SHANK2: variants seen among roughly 807,000 people sequenced by gnomAD.
SHANK2 encodes SH3 and multiple ankyrin repeat domains 2.
Under a neutral mutation model 133.7 loss-of-function variants are expected in SHANK2, and 43 were observed. That is an observed-to-expected ratio of 0.32 (90% confidence interval 0.25 to 0.41). SHANK2 has a LOEUF of 0.41. SHANK2 is among the 10% of genes least tolerant of loss of function. The pLI is 1.00. For missense variants in SHANK2, 1,994 were observed against 2,235.8 expected (o/e 0.89, Z 2.18); for synonymous variants, 1,017 against 952.8 (o/e 1.07, Z -1.24).
chr11:70,682,533 C>T (rs1445088098), intron 15 of SHANK2, among the ~76,000 whole-genome samples: 1 of 152,224 alleles, frequency 6.6e-6, no homozygotes, highest in Non-Finnish European at 1.5e-5. Context: ...GTGGCCCCTT[C>T]TGGGAAGTGG....
intron 9 of SHANK2, among the ~76,000 whole-genome samples, chr11:71,065,671 TG>T (rs1379254896): frequency 2.2e-3 from 27 of 12,022 alleles, no homozygotes; most frequent in Non-Finnish European, 4.1e-3. Context: ...GGGAAGTTTG[TG>T]GGGGGTGTGC....
chr11:71,147,965 G>T (rs1214227034), intron 2 of SHANK2, among the ~76,000 whole-genome samples: 1 of 151,534 alleles, frequency 6.6e-6, no homozygotes, highest in Non-Finnish European at 1.5e-5. Context: ...TCAGACTTGG[G>T]GGTCCCCAAG....
intron 12 of SHANK2, among the ~76,000 whole-genome samples, chr11:70,819,534 C>T (rs1555055287): frequency 6.6e-6 from 1 of 152,200 alleles, no homozygotes. Flanking sequence ...GGAGTTGGAG[C>T]TCTGAGTGCA....
At chr11:71,169,618 G>A (rs371606287) in intron 2 of SHANK2, among the ~76,000 whole-genome samples, 5 of 152,044 alleles carry the variant, frequency 3.3e-5, no homozygotes, top group East Asian at 3.9e-4. Context: ...AGGTGTTGGG[G>A]GAGGTGCCTA....
intron 11 of SHANK2, among the ~76,000 whole-genome samples, chr11:70,827,656 T>C (rs1286870943): frequency 7.3e-5 from 10 of 136,944 alleles, no homozygotes; most frequent in Admixed American, 1.5e-4. Context: ...TTTTTTTTTT[T>C]CTGGTTGCTA....
At chr11:70,947,917 C>A (rs530118098) in intron 10 of SHANK2, among the ~76,000 whole-genome samples, 6 of 152,176 alleles carry the variant, frequency 3.9e-5, no homozygotes, top group Non-Finnish European at 7.3e-5. Flanking sequence ...AGAGTAAAGT[C>A]CCTGCCAAGC....
At chr11:70,718,300 A>C (rs1285179635) in intron 14 of SHANK2, among the ~76,000 whole-genome samples, 1 of 152,184 alleles carries the variant, frequency 6.6e-6, no homozygotes, top group Non-Finnish European at 1.5e-5. Flanking sequence ...CTTTCTGTGA[A>C]GGGGCAGCCG....
chr11:70,555,844 G>A lies in SHANK2; in HGVS notation c.2062-52913C>T, dbSNP rs146185426. Among the ~76,000 whole-genome samples the A allele has an allele frequency of 2.1e-3, 322 of 152,320 alleles. 2 individuals are homozygous for A. The highest frequency in any genetic ancestry group is 7.5e-3 in the African/African-American group (310 of 41,578). On this transcript the variant is annotated intron_variant, in intron 17 of 25. Coordinates refer to ENST00000601538, the MANE Select transcript of SHANK2 (RefSeq NM_012309.5). ...AGTGGTCTGGATAGAAAATCAAGCC[G>A]GTCACAACATTCCCTTAAACCAAAG...
chr11:70,854,069 A>G (rs1172446947), intron 11 of SHANK2, among the ~76,000 whole-genome samples: 1 of 152,226 alleles, frequency 6.6e-6, no homozygotes, highest in Non-Finnish European at 1.5e-5. Flanking sequence ...CCCAGAAGAA[A>G]GACCCTGCAG....
intron 11 of SHANK2, among the ~76,000 whole-genome samples, chr11:70,852,148 C>T (rs950167611): frequency 1.1e-4 from 17 of 152,206 alleles, no homozygotes; most frequent in African/African-American, 2.9e-4. Flanking sequence ...AGAGAGAGCT[C>T]GGACTCAGAC....
intron 14 of SHANK2, among the ~76,000 whole-genome samples, chr11:70,729,630 T>G (rs1946243173): frequency 6.6e-6 from 1 of 151,432 alleles, no homozygotes; most frequent in African/African-American, 2.4e-5. Flanking sequence ...GTTCACGCCA[T>G]TCTCCTGCTT....
chr11:71,238,378 T>G (rs1194350580), intron 1 of SHANK2, among the ~76,000 whole-genome samples: 2 of 152,194 alleles, frequency 1.3e-5, no homozygotes, highest in African/African-American at 4.8e-5. Context: ...AGTCTCAGCT[T>G]TACATAAATT....
At chr11:70,896,042 G>A (rs1044268174) in intron 11 of SHANK2, among the ~76,000 whole-genome samples, 2 of 151,992 alleles carry the variant, frequency 1.3e-5, no homozygotes, top group Non-Finnish European at 2.9e-5. Context: ...TCACTCTTGG[G>A]CTTGTACATT....
chr11:70,827,591 G>A (rs1332459624), intron 11 of SHANK2, among the ~76,000 whole-genome samples: 4 of 150,880 alleles, frequency 2.7e-5, no homozygotes, highest in South Asian at 2.1e-4. Context: ...TTCTGTTGCC[G>A]GATGCCTCTG....
At chr11:71,066,558 T>A (rs1951066414) in intron 9 of SHANK2, among the ~76,000 whole-genome samples, 1 of 152,104 alleles carries the variant, frequency 6.6e-6, no homozygotes, top group African/African-American at 2.4e-5. Flanking sequence ...GCAACCAGGA[T>A]GTTAACTCGG....
chr11:70,630,867 G>A (rs1436714425), intron 17 of SHANK2, among the ~76,000 whole-genome samples: 1 of 152,186 alleles, frequency 6.6e-6, no homozygotes, highest in Non-Finnish European at 1.5e-5. Flanking sequence ...TGTGAGAGCA[G>A]CCCCAGGACA....
At chr11:70,659,725 A>C in intron 17 of SHANK2, 103 bp downstream of exon 17, 2 of 1,422,162 alleles carry the variant, frequency 1.4e-6, no homozygotes, top group Non-Finnish European at 2.0e-6. Context: ...CTCCACAAGC[A>C]CCCCCAGACT....
intron 17 of SHANK2, among the ~76,000 whole-genome samples, chr11:70,636,323 A>T (rs1555003983): frequency 2.0e-5 from 3 of 150,974 alleles, no homozygotes; most frequent in African/African-American, 7.3e-5. Context: ...GAGCGTGTGA[A>T]TGTTAGCATG....
chr11:70,853,126 T>C (rs1949115275), intron 11 of SHANK2, among the ~76,000 whole-genome samples: 1 of 152,190 alleles, frequency 6.6e-6, no homozygotes, highest in Non-Finnish European at 1.5e-5. Context: ...CAGCAATCCT[T>C]GGCAGGGTCC....
Sources: gnomAD v4.1 joint callset for allele counts (sites outside exome capture counted in the v4.1 genomes callset) on GRCh38, gnomAD v4.1.1 for gene constraint, MANE v1.5 for transcripts, NCBI Gene and HGNC (gene_info 2026-07-23, HGNC 2026-07-21) for gene names.